The following PRELID2 variants were observed in gnomAD, a reference collection of about 807,000 sequenced individuals.
PRELID2 encodes PRELI domain containing 2, also known as PRELI domain-containing protein 2.
PRELID2 carries 25 observed loss-of-function variants against 28.4 expected under a neutral mutation model. The observed-to-expected ratio is 0.88, with a 90% confidence interval of 0.64 to 1.23. The LOEUF (loss-of-function observed/expected upper bound fraction) is 1.23, where lower values mean the gene tolerates loss of function less well. Ranked by LOEUF, PRELID2 falls within the 50% of genes most tolerant of loss-of-function variation. The pLI is 0.00. For synonymous variants in PRELID2, 76 were observed against 71.6 expected (o/e 1.06, Z -0.31); for missense variants, 201 against 214.4 (o/e 0.94, Z 0.39).
At chr5:145,552,897 T>C (rs1346483202) in intron 1 of PRELID2, among the ~76,000 whole-genome samples, 1 of 152,214 alleles carries the variant, frequency 6.6e-6, no homozygotes, top group Non-Finnish European at 1.5e-5. Flanking sequence ...AGCAGCTTAC[T>C]GAGAATCCTC....
At chr5:145,683,725 T>G (rs73302037) in intron 1 of PRELID2, among the ~76,000 whole-genome samples, 9,483 of 151,956 alleles carry the variant, frequency 0.062, 943 homozygotes, top group African/African-American at 0.21. Context: ...GATACTGGAG[T>G]TTAGGGCTTC....
chr5:145,646,240 GT>G (rs1754194320), intron 1 of PRELID2, among the ~76,000 whole-genome samples: 1 of 151,984 alleles, frequency 6.6e-6, no homozygotes, highest in African/African-American at 2.4e-5. Flanking sequence ...CCTTTTCATT[GT>G]TTTTTCTCTA....
chr5:145,300,279 T>A, the PRELID2 span, among the ~76,000 whole-genome samples: 1 of 152,116 alleles, frequency 6.6e-6, no homozygotes, highest in Non-Finnish European at 1.5e-5. Flanking sequence ...TCCTACCTCA[T>A]ACCTGAAAAT....
the PRELID2 span, among the ~76,000 whole-genome samples, chr5:145,303,370 T>A: frequency 1.3e-5 from 2 of 152,216 alleles, no homozygotes; most frequent in African/African-American, 4.8e-5. Flanking sequence ...TAAACCTGTG[T>A]GACAATGTTC....
intron 1 of PRELID2, among the ~76,000 whole-genome samples, chr5:145,740,583 A>T (rs1236459435): frequency 4.6e-4 from 1 of 2,166 alleles, no homozygotes; most frequent in African/African-American, 1.3e-3. Flanking sequence ...TATATATATT[A>T]TATATATAAA....
chr5:145,737,461 T>C (rs1156462573), intron 1 of PRELID2, among the ~76,000 whole-genome samples: 1 of 151,924 alleles, frequency 6.6e-6, no homozygotes, highest in African/African-American at 2.4e-5. Context: ...ATAAGAAGAC[T>C]GTGAAATGTG....
the PRELID2 span, among the ~76,000 whole-genome samples, chr5:145,312,500 TTCTC>T: frequency 1.3e-5 from 2 of 152,184 alleles, no homozygotes; most frequent in Non-Finnish European, 2.9e-5. Flanking sequence ...CGTCTCCCCA[TTCTC>T]TATCTCCTTT....
chr5:145,777,096 C>T (rs1208915938), intron 5 of PRELID2, among the ~76,000 whole-genome samples: 4 of 152,128 alleles, frequency 2.6e-5, no homozygotes, highest in African/African-American at 9.7e-5. Flanking sequence ...CTCTGATTCA[C>T]GTCTTATATG....
chr5:145,239,116 T>A, the PRELID2 span, among the ~76,000 whole-genome samples: 6 of 152,110 alleles, frequency 3.9e-5, no homozygotes, highest in African/African-American at 1.4e-4. Context: ...CGAGGGCAAG[T>A]ACTAATTTTA....
chr5:145,602,912 C>T (rs1753417159), intron 1 of PRELID2, among the ~76,000 whole-genome samples: 2 of 151,962 alleles, frequency 1.3e-5, no homozygotes, highest in South Asian at 4.2e-4. Flanking sequence ...ATTTGCCAGG[C>T]GTGGTAGCAG....
At chr5:145,666,510 A>G (rs1030692330) in intron 1 of PRELID2, among the ~76,000 whole-genome samples, 3 of 152,064 alleles carry the variant, frequency 2.0e-5, no homozygotes, top group Non-Finnish European at 4.4e-5. Flanking sequence ...AACTGTACAT[A>G]CACACAAAAT....
intron 1 of PRELID2, among the ~76,000 whole-genome samples, chr5:145,640,709 T>C (rs1435291874): frequency 6.6e-6 from 1 of 151,154 alleles, no homozygotes; most frequent in Non-Finnish European, 1.5e-5. Flanking sequence ...CAAGGCCAAG[T>C]GTCTTCAAGA....
the PRELID2 span, among the ~76,000 whole-genome samples, chr5:145,266,843 A>G: frequency 6.6e-6 from 1 of 152,050 alleles, no homozygotes; most frequent in Non-Finnish European, 1.5e-5. Flanking sequence ...ATGGAATACT[A>G]CTCAGCCAAC....
chr5:145,361,389 T>G, the PRELID2 span, among the ~76,000 whole-genome samples: 1 of 152,172 alleles, frequency 6.6e-6, no homozygotes, highest in Non-Finnish European at 1.5e-5. Flanking sequence ...AACACAATTT[T>G]CATGATGCTC....
chr5:145,696,972 A>AAATGATAG (rs891312541), intron 1 of PRELID2, among the ~76,000 whole-genome samples: 2 of 147,906 alleles, frequency 1.4e-5, no homozygotes, highest in Non-Finnish European at 3.0e-5. Flanking sequence ...CAGAGTAAGC[A>AAATGATAG]AATGATAGAG....
At chr5:145,540,355 C>T (rs1752735852) in intron 1 of PRELID2, among the ~76,000 whole-genome samples, 1 of 151,954 alleles carries the variant, frequency 6.6e-6, no homozygotes, top group Non-Finnish European at 1.5e-5. Context: ...CCATTTGATA[C>T]AGAATTTCAC....
chr5:145,501,145 T>A (rs748205467), intron 1 of PRELID2, among the ~76,000 whole-genome samples: 1 of 152,118 alleles, frequency 6.6e-6, no homozygotes, highest in African/African-American at 2.4e-5. Context: ...TCAATTCAAC[T>A]GAAGAAGGAA....
the PRELID2 span, among the ~76,000 whole-genome samples, chr5:145,287,511 A>G: frequency 7.2e-5 from 11 of 152,208 alleles, no homozygotes; most frequent in African/African-American, 2.7e-4. Context: ...TTTAAAACTT[A>G]TAAATTGCTT....
the PRELID2 span, among the ~76,000 whole-genome samples, chr5:145,463,398 CT>C: frequency 6.8e-6 from 1 of 146,302 alleles, no homozygotes; most frequent in African/African-American, 2.5e-5. Context: ...CTGTCTAATC[CT>C]TTTACAATAG....
Sources: gnomAD v4.1 joint callset for allele counts (sites outside exome capture counted in the v4.1 genomes callset) on GRCh38, gnomAD v4.1.1 for gene constraint, MANE v1.5 for transcripts, NCBI Gene and HGNC (gene_info 2026-07-23, HGNC 2026-07-21) for gene names.